Variants in NRG3 observed in about 807,000 individuals in gnomAD.
The protein encoded by NRG3 is neuregulin 3.
NRG3 carries 31 observed loss-of-function variants against 66.9 expected under a neutral mutation model. That is an observed-to-expected ratio of 0.46 (90% CI 0.35 to 0.63). NRG3 has a LOEUF of 0.63. NRG3 is among the 20% of genes least tolerant of loss of function. The probability of loss-of-function intolerance (pLI) is 0.00; values close to 1 mark genes in which losing one functional copy is unlikely to be tolerated. For missense variants in NRG3, 910 were observed against 878.9 expected, an observed-to-expected ratio of 1.04 and a Z score of -0.45; for synonymous variants, 393 against 359.4, an observed-to-expected ratio of 1.09 and a Z score of -1.06.
intron 4 of NRG3, among the ~76,000 whole-genome samples, chr10:82,892,124 C>T (rs990780122): frequency 1.3e-5 from 2 of 151,958 alleles, no homozygotes; most frequent in African/African-American, 2.4e-5. Flanking sequence ...ATATATTATA[C>T]CTTTTAAATA....
chr10:82,731,533 C>G (rs2057905461), intron 2 of NRG3, among the ~76,000 whole-genome samples: 1 of 152,126 alleles, frequency 6.6e-6, no homozygotes, highest in Admixed American at 6.5e-5. Context: ...TCTTTCTGTG[C>G]CTGGCTTATT....
At chr10:82,242,031 C>CT (rs556187497) in intron 1 of NRG3, among the ~76,000 whole-genome samples, 7 of 151,896 alleles carry the variant, frequency 4.6e-5, no homozygotes, top group African/African-American at 1.4e-4. Context: ...ACAATAAGCT[C>CT]TTTTTTTTCA....
At chr10:82,681,949 A>G (rs1327787363) in intron 2 of NRG3, among the ~76,000 whole-genome samples, 1 of 152,192 alleles carries the variant, frequency 6.6e-6, no homozygotes, top group Non-Finnish European at 1.5e-5. Flanking sequence ...GGTTTCCTGC[A>G]CAGGCTATGG....
At chr10:82,061,156 G>T (rs983042653) in intron 1 of NRG3, among the ~76,000 whole-genome samples, 1 of 152,212 alleles carries the variant, frequency 6.6e-6, no homozygotes, top group Admixed American at 6.5e-5. Context: ...TTCAAGACCA[G>T]CCTAGCCAAT....
In NRG3 at chr10:82,006,382, C is replaced by G. The variant is rs79686108; in HGVS notation, c.823+130219C>G. ...TCCATTTTACCTGTGAGATTTGTAA[C>G]TATCTTCTTCCAACCTGTGGCTTTC... On this transcript the variant is annotated intron_variant, in intron 1 of 8. Transcript: ENST00000372141. Among the ~76,000 whole-genome samples, 802 of 152,134 alleles carry G rather than the reference C, an allele frequency of 5.3e-3. 8 individuals carry two copies. Among genetic ancestry groups the G allele is most frequent in the African/African-American group, 0.019 (769 of 41,524 alleles).
chr10:81,995,591 C>T (rs2060908009), intron 1 of NRG3, among the ~76,000 whole-genome samples: 1 of 152,154 alleles, frequency 6.6e-6, no homozygotes, highest in South Asian at 2.1e-4. Context: ...AAAAGGCTCC[C>T]TTGATTTAAC....
intron 1 of NRG3, among the ~76,000 whole-genome samples, chr10:81,932,176 GGAGA>G (rs368832355): frequency 9.4e-4 from 141 of 149,618 alleles, no homozygotes; most frequent in East Asian, 7.9e-4. Context: ...TTGAGAGAGA[GGAGA>G]GAGAGAGAGA....
chr10:82,110,663 A>T (rs994057468), intron 1 of NRG3, among the ~76,000 whole-genome samples: 1 of 152,064 alleles, frequency 6.6e-6, no homozygotes, highest in African/African-American at 2.4e-5. Context: ...GAAGAAAGAG[A>T]GGAGTCAAAG....
In NRG3 at chr10:82,944,185, C is replaced by CT. The variant is rs200941215; in HGVS notation, c.1055-7277dup. ...TTCACTCTTGATTTAAACTCAGAAC[C>CT]TTTTTTTATTTTTGCATGTCCCCAG... On this transcript the variant is annotated intron_variant, in intron 4 of 8. Coordinates refer to ENST00000372141, the MANE Select transcript of NRG3 (RefSeq NM_001010848.4). 2.6e-3 allele frequency among the ~76,000 whole-genome samples: 389 copies of CT among 152,180 alleles called. 1 individual carries two copies. Among genetic ancestry groups the CT allele is most frequent in the African/African-American group, 8.8e-3 (365 of 41,538 alleles).
At chr10:82,924,106 A>G (rs1359052180) in intron 4 of NRG3, among the ~76,000 whole-genome samples, 1 of 151,440 alleles carries the variant, frequency 6.6e-6, no homozygotes, top group East Asian at 1.9e-4. Context: ...AAAAAAAAAA[A>G]AAAGGTAGAA....
chr10:82,880,452 A>G (rs1431990240), intron 4 of NRG3, among the ~76,000 whole-genome samples: 7 of 152,356 alleles, frequency 4.6e-5, no homozygotes, highest in Non-Finnish European at 1.0e-4. Flanking sequence ...ATGTGAAGAA[A>G]TAAGGCTGAT....
intron 1 of NRG3, among the ~76,000 whole-genome samples, chr10:82,019,294 T>A (rs2061943039): frequency 6.6e-6 from 1 of 152,186 alleles, no homozygotes; most frequent in South Asian, 2.1e-4. Flanking sequence ...GCCCACTTGA[T>A]CATGGTGGAT....
chr10:82,532,844 C>T (rs947923046), intron 2 of NRG3, among the ~76,000 whole-genome samples: 3 of 151,372 alleles, frequency 2.0e-5, no homozygotes, highest in Non-Finnish European at 3.0e-5. Flanking sequence ...TGAGAAACCT[C>T]CAAATTTTTT....
intron 3 of NRG3, among the ~76,000 whole-genome samples, chr10:82,839,524 G>C (rs975982798): frequency 6.6e-6 from 1 of 151,278 alleles, no homozygotes; most frequent in Non-Finnish European, 1.5e-5. Flanking sequence ...TAAGTAATAA[G>C]TATTTATTTT....
intron 2 of NRG3, among the ~76,000 whole-genome samples, chr10:82,715,512 T>C (rs1484202761): frequency 1.3e-5 from 2 of 152,230 alleles, no homozygotes; most frequent in Non-Finnish European, 2.9e-5. Flanking sequence ...GTGGTTTCTA[T>C]GATTTTCAAA....
At chr10:82,751,914 T>C (rs1437698877) in intron 3 of NRG3, among the ~76,000 whole-genome samples, 1 of 151,958 alleles carries the variant, frequency 6.6e-6, no homozygotes, top group African/African-American at 2.4e-5. Context: ...TTCTTGTGTA[T>C]CTAATTATGG....
intron 1 of NRG3, among the ~76,000 whole-genome samples, chr10:82,037,608 A>T (rs2132963934): frequency 6.6e-6 from 1 of 152,270 alleles, no homozygotes; most frequent in East Asian, 1.9e-4. Flanking sequence ...AACAGGTCTA[A>T]CAGCATTGGC....
At chr10:82,716,416 G>A (rs1021278198) in intron 2 of NRG3, among the ~76,000 whole-genome samples, 4 of 152,068 alleles carry the variant, frequency 2.6e-5, no homozygotes, top group African/African-American at 9.7e-5. Context: ...ATCTGTTAAG[G>A]CAGGTGGGAA....
chr10:82,827,810 T>G (rs899865592), intron 3 of NRG3, among the ~76,000 whole-genome samples: 1 of 152,218 alleles, frequency 6.6e-6, no homozygotes, highest in Non-Finnish European at 1.5e-5. Flanking sequence ...ATTTTTATGT[T>G]AAAAGTAATT....
Sources: gnomAD v4.1 joint callset for allele counts (sites outside exome capture counted in the v4.1 genomes callset) on GRCh38, gnomAD v4.1.1 for gene constraint, MANE v1.5 for transcripts, NCBI Gene and HGNC (gene_info 2026-07-23, HGNC 2026-07-21) for gene names.